Variants in ADPRHL1 observed in about 807,000 individuals in gnomAD.
ADPRHL1 encodes ADP-ribosylhydrolase like 1.
ADPRHL1 carries 43 observed loss-of-function variants against 44.1 expected under a neutral mutation model. The observed-to-expected ratio is 0.98, with a 90% confidence interval of 0.76 to 1.26. The LOEUF is 1.26. ADPRHL1 is among the 50% of genes most tolerant of loss of function. ADPRHL1 has a pLI of 0.00. For missense variants in ADPRHL1, 2,022 were observed against 2,496.9 expected (o/e 0.81, Z 4.05); for synonymous variants, 878 against 1,017.4 (o/e 0.86, Z 2.61).
At position 113,446,928 on chromosome 13, in the gene ADPRHL1, T is replaced by G. The variant is rs1043456913; in HGVS notation, c.215-2339A>C. Among the ~76,000 whole-genome samples, 3 of 147,152 alleles carry G rather than the reference T, an allele frequency of 2.0e-5. No homozygotes were observed. The East Asian group carries it at 6.2e-4, about 31-fold the overall frequency. On this transcript the variant is annotated intron_variant, in intron 1 of 7. Transcript: ENST00000612156. ...GTGTGCATGGTGTCTACATGCAAGTTGTATGTGCATGGTGTCTACACTCAC... is the reference window on the plus strand; with the variant it reads ...GTGTGCATGGTGTCTACATGCAAGTGGTATGTGCATGGTGTCTACACTCAC...
chr13:113,404,531 GCCTGTCCCTGAA>G lies in ADPRHL1; in HGVS notation c.4739_4750del (p.Val1580_Gln1583del). ...AATCTGCCCCTGAGCCCATTTCTGG[GCCTGTCCCTGAA>G]CCTGTCCCTGGGCCCCACCCTGAGC... On this transcript the variant is annotated inframe_deletion, in exon 8 of 8. Coordinates refer to ENST00000612156, the MANE Select transcript of ADPRHL1 (RefSeq NM_001394807.1). 2.3e-6 allele frequency: 3 copies of G among 1,312,870 alleles called. No individual in the cohort carries two copies. Among genetic ancestry groups the G allele is most frequent in the Non-Finnish European group, 2.9e-6 (3 of 1,038,320 alleles). The allele number at this position is 1,312,870 out of a possible 1,614,324, so 81.3% of individuals were successfully genotyped here.
chr13:113,424,508 G>A (rs1178715240), intron 5 of ADPRHL1, among the ~76,000 whole-genome samples, 159 bp from the exon 6 acceptor site: 1 of 152,074 alleles, frequency 6.6e-6, no homozygotes. Context: ...AGGTTGGAGT[G>A]CAATGATACA....
intron 2 of ADPRHL1, among the ~76,000 whole-genome samples, chr13:113,438,696 T>C (rs1273506965): frequency 2.0e-5 from 3 of 152,142 alleles, no homozygotes; most frequent in Non-Finnish European, 2.9e-5. Context: ...AAAAAATTTC[T>C]TTTTTATAAT....
intron 2 of ADPRHL1, among the ~76,000 whole-genome samples, chr13:113,438,492 G>A (rs899708585): frequency 4.6e-5 from 7 of 151,954 alleles, no homozygotes; most frequent in Admixed American, 2.6e-4. Context: ...TCAGGAGTTC[G>A]AGACCAGCCT....
At position 113,400,272 on chromosome 13, in the gene ADPRHL1, A is replaced by G. The variant is rs1237540910; in HGVS notation, c.*3106T>C. On this transcript the variant is annotated 3_prime_UTR_variant, in exon 8 of 8. Coordinates refer to ENST00000612156, the MANE Select transcript of ADPRHL1 (RefSeq NM_001394807.1). ...GCCATTCTCCTGTCTCAGGCTCCCG[A>G]GTAGCTGGGACTACAGGCACCCACC... 5.4e-5 allele frequency: 8 copies of G among 148,620 alleles called. No individual in the cohort carries two copies. Among genetic ancestry groups the G allele is most frequent in the African/African-American group, 1.7e-4 (7 of 40,522 alleles). 9.2% of individuals were successfully genotyped at this position (148,620 alleles called of 1,614,324 possible).
At chr13:113,445,463 C>T (rs578093390) in intron 1 of ADPRHL1, among the ~76,000 whole-genome samples, 4 of 152,356 alleles carry the variant, frequency 2.6e-5, no homozygotes, top group South Asian at 2.1e-4. Flanking sequence ...CAGGTGGGGC[C>T]GGCGAGGGCG....
At chr13:113,418,215 G>T (rs777165251) in intron 7 of ADPRHL1, among the ~76,000 whole-genome samples, 5 of 152,206 alleles carry the variant, frequency 3.3e-5, no homozygotes, top group Non-Finnish European at 5.9e-5. Flanking sequence ...ACAAAATGGG[G>T]GTAGTAAAAA....
At chr13:113,437,575 G>A (rs551897270) in intron 2 of ADPRHL1, among the ~76,000 whole-genome samples, 3 of 152,196 alleles carry the variant, frequency 2.0e-5, no homozygotes, top group South Asian at 2.1e-4. Flanking sequence ...CGTGCTTTCC[G>A]CCTGGCTTTT....
rs377520541 is a variant in ADPRHL1 at position 113,453,475 on chromosome 13, C to T, written c.-38G>A. 13 of 1,603,186 alleles carry T rather than the reference C, an allele frequency of 8.1e-6. No individual in the cohort carries two copies. The highest frequency in any genetic ancestry group is 2.7e-5 in the African/African-American group (2 of 74,858). On this transcript the variant is annotated 5_prime_UTR_variant, in exon 1 of 8. Transcript: ENST00000612156. This position sits in a 1 kb window ranked among gnomAD's most constrained non-coding sequence, Gnocchi z 5.4. ...CTCCTCTTCCCCAACAGCTGCGGAG[C>T]GTCCTGGCCTTTGTCTCCTCCTCAG...
intron 1 of ADPRHL1, among the ~76,000 whole-genome samples, chr13:113,451,117 C>T (rs532443439): frequency 1.1e-3 from 163 of 152,312 alleles, no homozygotes; most frequent in Middle Eastern, 3.4e-3. Flanking sequence ...ACAGAAGGCT[C>T]GCACTCTTGT....
At chr13:113,410,592 C>T (rs2043845248) in intron 7 of ADPRHL1, among the ~76,000 whole-genome samples, 1 of 152,230 alleles carries the variant, frequency 6.6e-6, no homozygotes, top group Non-Finnish European at 1.5e-5. Context: ...CCAGGCACGC[C>T]CTCGTTCTGA....
At chr13:113,443,387 C>T (rs1488540830) in intron 2 of ADPRHL1, among the ~76,000 whole-genome samples, 6 of 151,552 alleles carry the variant, frequency 4.0e-5, no homozygotes, top group East Asian at 3.9e-4. Context: ...GTGGGCAGAT[C>T]GCTTGAGCTC....
At chr13:113,426,291 G>A (rs1357402171) in intron 4 of ADPRHL1, among the ~76,000 whole-genome samples, 4 of 152,208 alleles carry the variant, frequency 2.6e-5, no homozygotes, top group Non-Finnish European at 4.4e-5. Flanking sequence ...CCTGCCTTAC[G>A]GTGAGCACCC....
chr13:113,414,386 C>G (rs929555103), intron 7 of ADPRHL1, among the ~76,000 whole-genome samples: 1 of 151,944 alleles, frequency 6.6e-6, no homozygotes, highest in Non-Finnish European at 1.5e-5. Flanking sequence ...GAGCCGCCCC[C>G]CCTTCCTCCC....
rs1310256346 is a variant in ADPRHL1 at position 113,400,434 on chromosome 13, G to C, written c.*2944C>G. 1 of 149,532 alleles carries C rather than the reference G, an allele frequency of 6.7e-6. No individual in the cohort carries two copies. The highest frequency in any genetic ancestry group is 1.5e-5 in the Non-Finnish European group (1 of 67,600). The allele number at this position is 149,532 out of a possible 1,614,324, so 9.3% of individuals were successfully genotyped here. On this transcript the variant is annotated 3_prime_UTR_variant, in exon 8 of 8. Coordinates refer to ENST00000612156, the MANE Select transcript of ADPRHL1 (RefSeq NM_001394807.1). ...GCTGGGATTACAGGCATGAGCCACC[G>C]TGCCCGGCCACTTTCTTTCTTTCTT...
At chr13:113,420,332 C>T (rs1447311094) in intron 7 of ADPRHL1, among the ~76,000 whole-genome samples, 5 of 152,092 alleles carry the variant, frequency 3.3e-5, no homozygotes, top group African/African-American at 7.2e-5. Context: ...TGTAAATAGA[C>T]TCACTTTCTG....
intron 2 of ADPRHL1, among the ~76,000 whole-genome samples, chr13:113,434,838 C>A (rs2044037414): frequency 8.0e-6 from 1 of 124,370 alleles, no homozygotes; most frequent in Non-Finnish European, 1.7e-5. Flanking sequence ...TAGGTGTACC[C>A]CGGGACCCGG....
chr13:113,424,805 C>T, intron 5 of ADPRHL1, among the ~76,000 whole-genome samples: 1 of 9,046 alleles, frequency 1.1e-4, no homozygotes, highest in African/African-American at 4.0e-4. Flanking sequence ...CCCACCCACC[C>T]ACCCATGCAC....
chr13:113,434,504 G>A (rs1428216651), intron 2 of ADPRHL1, among the ~76,000 whole-genome samples: 4 of 150,654 alleles, frequency 2.7e-5, no homozygotes, highest in Admixed American at 6.6e-5. Flanking sequence ...GGTGTACCCC[G>A]GGACCCAGCA....
Sources: gnomAD v4.1 joint callset for allele counts (sites outside exome capture counted in the v4.1 genomes callset) on GRCh38, gnomAD v4.1.1 for gene constraint, Gnocchi (gnomAD v3.1) non-coding constraint, MANE v1.5 for transcripts, NCBI Gene and HGNC (gene_info 2026-07-23, HGNC 2026-07-21) for gene names.